Variants in POU2F1 observed in about 807,000 individuals in gnomAD.
The protein encoded by POU2F1 is POU domain, class 2, transcription factor 1.
Under a neutral mutation model 84.9 loss-of-function variants are expected in POU2F1, and 16 were observed. The ratio of observed to expected loss-of-function variants is 0.19; its 90% confidence interval spans 0.13 to 0.29. The LOEUF (loss-of-function observed/expected upper bound fraction) is 0.29. Among genes scored for constraint, POU2F1 ranks in the 10% least tolerant of loss-of-function variants. The probability of loss-of-function intolerance (pLI) is 1.00; values close to 1 mark genes in which losing one functional copy is unlikely to be tolerated. For synonymous variants in POU2F1, 368 were observed against 368.3 expected, an observed-to-expected ratio of 1.00 and a Z score of 0.01; for missense variants, 738 against 942.6, an observed-to-expected ratio of 0.78 and a Z score of 2.84.
intron 2 of POU2F1, among the ~76,000 whole-genome samples, chr1:167,360,111 C>G (rs1659257053): frequency 6.6e-6 from 1 of 151,890 alleles, no homozygotes; most frequent in Non-Finnish European, 1.5e-5. Context: ...TTCTCCTATT[C>G]TGTAGGTTGT....
intron 1 of POU2F1, among the ~76,000 whole-genome samples, chr1:167,321,309 G>A (rs1288067686): frequency 6.6e-6 from 1 of 152,162 alleles, no homozygotes; most frequent in African/African-American, 2.4e-5. Context: ...CAGGCTACAG[G>A]TTGTTTACCG....
intron 1 of POU2F1, among the ~76,000 whole-genome samples, chr1:167,286,242 G>A (rs1399001495): frequency 1.3e-5 from 2 of 152,092 alleles, no homozygotes; most frequent in Admixed American, 1.3e-4. Context: ...CTTTGCTGTA[G>A]TTCATTCTCT....
intron 2 of POU2F1, among the ~76,000 whole-genome samples, chr1:167,339,251 C>T (rs1280576281): frequency 1.3e-5 from 2 of 152,120 alleles, no homozygotes; most frequent in African/African-American, 2.4e-5. Context: ...TTTCTTTAAA[C>T]ACTTACTATC....
chr1:167,372,087 C>T, intron 5 of POU2F1, 51 bp downstream of exon 5: 4 of 1,579,882 alleles, frequency 2.5e-6, no homozygotes, highest in South Asian at 1.2e-5. Flanking sequence ...GTCAGAACTG[C>T]CATTGGCCAA....
intron 2 of POU2F1, among the ~76,000 whole-genome samples, chr1:167,362,197 C>T (rs971514742): frequency 7.9e-5 from 12 of 152,210 alleles, no homozygotes; most frequent in African/African-American, 2.9e-4. Flanking sequence ...CTACTTCTCA[C>T]CTCCCAGTGG....
intron 1 of POU2F1, among the ~76,000 whole-genome samples, chr1:167,270,298 G>A (rs1652279264): frequency 6.6e-6 from 1 of 151,766 alleles, no homozygotes; most frequent in African/African-American, 2.4e-5. Context: ...AAAAAAAAAA[G>A]GCCTGTTAAC....
chr1:167,359,441 T>A (rs1399979567), intron 2 of POU2F1, among the ~76,000 whole-genome samples: 2 of 152,226 alleles, frequency 1.3e-5, no homozygotes, highest in African/African-American at 4.8e-5. Context: ...TATGTGGTAT[T>A]TGGTTTTCTG....
At chr1:167,350,233 A>G (rs1658465208) in intron 2 of POU2F1, among the ~76,000 whole-genome samples, 1 of 152,210 alleles carries the variant, frequency 6.6e-6, no homozygotes, top group Non-Finnish European at 1.5e-5. Flanking sequence ...GTAGGATCAT[A>G]TCAGATGAGA....
chr1:167,362,287 A>C (rs543083256), intron 2 of POU2F1, among the ~76,000 whole-genome samples: 35 of 152,336 alleles, frequency 2.3e-4, no homozygotes, highest in African/African-American at 8.2e-4. Context: ...GTTGTCTAAG[A>C]GTATTCTTTT....
intron 1 of POU2F1, among the ~76,000 whole-genome samples, chr1:167,235,459 C>A (rs183107418): frequency 1.9e-3 from 290 of 152,172 alleles, no homozygotes; most frequent in African/African-American, 6.7e-3. Context: ...TGATTTCAGG[C>A]GATTAGACTA....
rs996219922 is a variant in POU2F1 at position 167,425,751 on chromosome 1, C to A, written c.*9941C>A. 6.6e-6 allele frequency: 1 copy of A among 152,236 alleles called. No homozygotes were observed. The highest frequency in any genetic ancestry group is 1.5e-5 in the Non-Finnish European group (1 of 68,082). The allele number at this position is 152,236 out of a possible 1,614,324, so 9.4% of individuals were successfully genotyped here. On this transcript the variant is annotated 3_prime_UTR_variant, in exon 16 of 16. Transcript: ENST00000367866. ...TCTGGGGCTGGGCGAATGCACGCCA[C>A]GGTGCCCTTCTGAGCCTTTTTTTCT...
rs148571837 is a variant in POU2F1, at chr1:167,321,506, T to C, written c.62-10964T>C. ...ATGGCCCTAAGATCTGTCAACATTCTCCATTTACCTCATTTTTTCTTAATA... is the reference window on the plus strand; with the variant it reads ...ATGGCCCTAAGATCTGTCAACATTCCCCATTTACCTCATTTTTTCTTAATA... On this transcript the variant is annotated intron_variant, in intron 1 of 15. Transcript: ENST00000367866. Among the ~76,000 whole-genome samples the C allele has an allele frequency of 3.8e-3, 582 of 152,268 alleles. 3 individuals are homozygous for C. Among genetic ancestry groups the C allele is most frequent in the African/African-American group, 0.013 (560 of 41,522 alleles).
chr1:167,404,141 A>G (rs1008088842), intron 13 of POU2F1, among the ~76,000 whole-genome samples: 2 of 151,636 alleles, frequency 1.3e-5, no homozygotes, highest in Admixed American at 1.3e-4. Flanking sequence ...AGCATTTTCA[A>G]TGTGAATTAA....
At chr1:167,370,706 T>TGG (rs1659952932) in intron 4 of POU2F1, among the ~76,000 whole-genome samples, 1 of 152,182 alleles carries the variant, frequency 6.6e-6, no homozygotes. Context: ...TGGGTTCAGT[T>TGG]TTTCTCATCT....
At chr1:167,407,731 T>C (rs1387191643) in intron 13 of POU2F1, among the ~76,000 whole-genome samples, 1 of 152,204 alleles carries the variant, frequency 6.6e-6, no homozygotes, top group African/African-American at 2.4e-5. Flanking sequence ...GATCCTTACC[T>C]TACACCGTGC....
intron 1 of POU2F1, among the ~76,000 whole-genome samples, chr1:167,226,358 ATAAT>A (rs1232782161): frequency 1.3e-5 from 2 of 152,198 alleles, no homozygotes; most frequent in African/African-American, 4.8e-5. Flanking sequence ...GAAAGGGATA[ATAAT>A]TAAGGTTCAC....
At chr1:167,314,122 C>T (rs998474836) in intron 1 of POU2F1, among the ~76,000 whole-genome samples, 4 of 150,842 alleles carry the variant, frequency 2.7e-5, no homozygotes, top group African/African-American at 9.8e-5. Context: ...TGCTTGAGCC[C>T]AGGAGGCAGA....
chr1:167,361,143 C>T (rs1311059206), intron 2 of POU2F1, among the ~76,000 whole-genome samples: 1 of 151,952 alleles, frequency 6.6e-6, no homozygotes, highest in Non-Finnish European at 1.5e-5. Flanking sequence ...AATTTTACTT[C>T]TGCTTTTCCT....
chr1:167,264,165 A>G (rs988369837), intron 1 of POU2F1, among the ~76,000 whole-genome samples: 7 of 152,186 alleles, frequency 4.6e-5, no homozygotes, highest in Non-Finnish European at 7.4e-5. Context: ...CAAAGGGAGT[A>G]CAGCTAATTT....
Sources: gnomAD v4.1 joint callset for allele counts (sites outside exome capture counted in the v4.1 genomes callset) on GRCh38, gnomAD v4.1.1 for gene constraint, MANE v1.5 for transcripts, NCBI Gene and HGNC (gene_info 2026-07-23, HGNC 2026-07-21) for gene names.